COG5: variants seen among roughly 807,000 people sequenced by gnomAD.
The protein encoded by COG5 is component of oligomeric golgi complex 5, also known as conserved oligomeric Golgi complex subunit 5.
In COG5, 86 loss-of-function variants were observed where a neutral mutation model predicts 110.4. The observed-to-expected ratio is 0.78, with a 90% CI of 0.65 to 0.93. COG5 has a LOEUF of 0.93. Ranked by LOEUF, COG5 falls within the 40% of genes least tolerant of loss-of-function variation. The pLI is 0.00. For missense variants in COG5, 1,077 were observed against 987.0 expected, an observed-to-expected ratio of 1.09 and a Z score of -1.22; for synonymous variants, 360 against 334.6, an observed-to-expected ratio of 1.08 and a Z score of -0.83.
intron 6 of COG5, among the ~76,000 whole-genome samples, chr7:107,456,318 A>T (rs1043399705): frequency 6.6e-6 from 1 of 152,218 alleles, no homozygotes; most frequent in African/African-American, 2.4e-5. Context: ...GTAAAAACAG[A>T]TTTAAAACTT....
intron 2 of COG5, among the ~76,000 whole-genome samples, chr7:107,556,808 T>C (rs1265354826): frequency 6.6e-6 from 1 of 152,066 alleles, no homozygotes; most frequent in Non-Finnish European, 1.5e-5. Flanking sequence ...CTTGCTCTTG[T>C]TGCCCAGGCT....
chr7:107,469,170 C>G (rs891609916), intron 6 of COG5, among the ~76,000 whole-genome samples: 1 of 151,320 alleles, frequency 6.6e-6, no homozygotes, highest in Non-Finnish European at 1.5e-5. Flanking sequence ...TTACTTTATC[C>G]TTTAAAATAA....
chr7:107,263,446 A>G (rs1803534701), intron 14 of COG5, among the ~76,000 whole-genome samples: 1 of 152,234 alleles, frequency 6.6e-6, no homozygotes, highest in African/African-American at 2.4e-5. Flanking sequence ...GAGATTCAAC[A>G]TTGTAAAATA....
chr7:107,507,723 C>T (rs763558412), intron 6 of COG5, among the ~76,000 whole-genome samples: 1 of 151,748 alleles, frequency 6.6e-6, no homozygotes, highest in Non-Finnish European at 1.5e-5. Flanking sequence ...ATAAATCATA[C>T]TTTCATCTAT....
At chr7:107,513,698 C>A (rs1799706966) in intron 6 of COG5, among the ~76,000 whole-genome samples, 1 of 152,104 alleles carries the variant, frequency 6.6e-6, no homozygotes, top group African/African-American at 2.4e-5. Flanking sequence ...CACATATACA[C>A]CATGGAATAC....
intron 5 of COG5, among the ~76,000 whole-genome samples, chr7:107,541,114 G>A (rs2129168134): frequency 6.6e-6 from 1 of 150,602 alleles, no homozygotes; most frequent in South Asian, 2.1e-4. Flanking sequence ...TCCTGCCACT[G>A]CACCCCAGCC....
chr7:107,243,921 T>C (rs1428462451), intron 17 of COG5, among the ~76,000 whole-genome samples: 1 of 152,120 alleles, frequency 6.6e-6, no homozygotes, highest in Non-Finnish European at 1.5e-5. Context: ...GAATGACTTT[T>C]GGGTAAATAC....
intron 6 of COG5, among the ~76,000 whole-genome samples, chr7:107,478,538 A>C (rs948103853): frequency 1.3e-5 from 2 of 152,066 alleles, no homozygotes; most frequent in East Asian, 1.9e-4. Flanking sequence ...TGTTATATTT[A>C]AACTTATTTA....
intron 19 of COG5, among the ~76,000 whole-genome samples, chr7:107,229,265 A>G (rs1241840484): frequency 2.0e-5 from 3 of 152,196 alleles, no homozygotes; most frequent in Non-Finnish European, 2.9e-5. Context: ...CCTGGCCAAC[A>G]TGGTGAAACA....
chr7:107,222,296 C>A (rs1369775784), intron 19 of COG5, among the ~76,000 whole-genome samples: 1 of 151,952 alleles, frequency 6.6e-6, no homozygotes, highest in Non-Finnish European at 1.5e-5. Context: ...GCCTCCTGGG[C>A]TCAAGTGATT....
At chr7:107,531,551 A>C (rs1029574899) in intron 5 of COG5, among the ~76,000 whole-genome samples, 9 of 152,082 alleles carry the variant, frequency 5.9e-5, no homozygotes, top group African/African-American at 2.2e-4. Flanking sequence ...AAAACTAAAA[A>C]TAAATACTTA....
chr7:107,258,288 G>A lies in COG5; in HGVS notation c.1671C>T (p.His557=). 1 of 1,603,752 alleles carries A rather than the reference G, an allele frequency of 6.2e-7. No individual in the cohort carries two copies. Among genetic ancestry groups the A allele is most frequent in the Non-Finnish European group, 8.5e-7 (1 of 1,170,832 alleles). ...VAVVNSLYKL[H]QSVTKVVSSQ... is the part of the protein sequence containing the mutation. ...AAATAGTTACCTTTGTTACTGATTGGTGCAACTTATACAATGAATTCACTA... is the reference window on the plus strand; with the variant it reads ...AAATAGTTACCTTTGTTACTGATTGATGCAACTTATACAATGAATTCACTA... The change falls in exon 15 of 22, where the codon CAC becomes CAT. Residue 557 remains histidine, a synonymous_variant. Transcript: ENST00000297135.
chr7:107,347,860 C>T (rs1562980870), intron 10 of COG5, among the ~76,000 whole-genome samples: 1 of 152,104 alleles, frequency 6.6e-6, no homozygotes, highest in Non-Finnish European at 1.5e-5. Flanking sequence ...GGCGCAGTGG[C>T]TCATGCCTGC....
At chr7:107,496,723 A>C (rs1175121331) in intron 6 of COG5, among the ~76,000 whole-genome samples, 1 of 151,990 alleles carries the variant, frequency 6.6e-6, no homozygotes, top group Non-Finnish European at 1.5e-5. Context: ...AATAGGATGA[A>C]AGGAAAAAAA....
intron 12 of COG5, among the ~76,000 whole-genome samples, chr7:107,286,436 C>T (rs1016514928): frequency 5.9e-5 from 9 of 152,112 alleles, no homozygotes; most frequent in Admixed American, 4.6e-4. Context: ...CTCATTAGCA[C>T]CCTGATTTTT....
chr7:107,426,292 C>A (rs1395652392), intron 6 of COG5, among the ~76,000 whole-genome samples: 3 of 152,198 alleles, frequency 2.0e-5, no homozygotes, highest in African/African-American at 2.4e-5. Flanking sequence ...ATCTGCTCCA[C>A]TTTACAGATG....
chr7:107,555,795 T>C (rs546243923), intron 2 of COG5, among the ~76,000 whole-genome samples: 2 of 152,200 alleles, frequency 1.3e-5, no homozygotes, highest in African/African-American at 4.8e-5. Flanking sequence ...GTGGATCATT[T>C]GAGGTCAGGA....
intron 10 of COG5, among the ~76,000 whole-genome samples, chr7:107,334,063 T>C (rs2129032491): frequency 6.6e-6 from 1 of 152,224 alleles, no homozygotes; most frequent in Non-Finnish European, 1.5e-5. Context: ...CAGCACTAGG[T>C]ATATATCCAA....
chr7:107,419,122 G>A (rs1793090561), intron 6 of COG5, among the ~76,000 whole-genome samples: 1 of 152,132 alleles, frequency 6.6e-6, no homozygotes, highest in African/African-American at 2.4e-5. Context: ...ACATACAGTT[G>A]CAGAGTGTTG....
Sources: gnomAD v4.1 joint callset for allele counts (sites outside exome capture counted in the v4.1 genomes callset) on GRCh38, gnomAD v4.1.1 for gene constraint, MANE v1.5 for transcripts, NCBI Gene and HGNC (gene_info 2026-07-23, HGNC 2026-07-21) for gene names.